The following IQSEC1 variants were observed in gnomAD, a reference collection of about 807,000 sequenced individuals.
The protein encoded by IQSEC1 is IQ motif and Sec7 domain ArfGEF 1, also known as IQ motif and SEC7 domain-containing protein 1.
A neutral mutation model predicts 91.0 loss-of-function variants in IQSEC1; 31 were observed. The observed-to-expected ratio is 0.34, with a 90% confidence interval of 0.26 to 0.46. IQSEC1 has a LOEUF of 0.46. Ranked by LOEUF, IQSEC1 falls within the 20% of genes least tolerant of loss-of-function variation. The probability of loss-of-function intolerance (pLI) is 1.00; values close to 1 mark genes in which losing one functional copy is unlikely to be tolerated. For missense variants in IQSEC1, 1,388 were observed against 1,575.6 expected (o/e 0.88, Z 2.02); for synonymous variants, 699 against 662.6 (o/e 1.05, Z -0.84).
chr3:13,004,096 T>C (rs193201989), intron 1 of IQSEC1, among the ~76,000 whole-genome samples: 1 of 152,308 alleles, frequency 6.6e-6, no homozygotes, highest in Admixed American at 6.5e-5. Flanking sequence ...TTTAAAAAAT[T>C]ATTGTTGGGA....
chr3:13,037,808 G>A (rs1163907189), intron 1 of IQSEC1, among the ~76,000 whole-genome samples: 1 of 152,114 alleles, frequency 6.6e-6, no homozygotes, highest in Non-Finnish European at 1.5e-5. Context: ...GGTCCCCAGA[G>A]CAGTGAAATT....
At chr3:13,151,674 A>C (rs1707001991) in intron 2 of IQSEC1, among the ~76,000 whole-genome samples, 1 of 152,238 alleles carries the variant, frequency 6.6e-6, no homozygotes, top group Non-Finnish European at 1.5e-5. Context: ...CACTAGAAAG[A>C]GTTCTCTTCA....
Position 13,162,943 on chromosome 3 carries a change from C to A in IQSEC1, c.302+1161G>T, listed in dbSNP as rs555074311. Among the ~76,000 whole-genome samples the A allele has an allele frequency of 2.2e-4, 33 of 152,084 alleles. No individual in the cohort carries two copies. The East Asian group carries it at 6.2e-3, about 29-fold the overall frequency. Reference sequence around the variant, plus strand: ...GCTCCCACTCTTGCCAGCCCAAGTGCACCATCCCCAGCTAGTCCCCTCACC... The same window carrying A: ...GCTCCCACTCTTGCCAGCCCAAGTGAACCATCCCCAGCTAGTCCCCTCACC... On this transcript the variant is annotated intron_variant, in intron 2 of 15. Coordinates refer to the IQSEC1 transcript ENST00000648114.
Position 12,899,701 on chromosome 3 carries a change from A to G in IQSEC1, c.*1282T>C. On this transcript the variant is annotated 3_prime_UTR_variant, in exon 14 of 14. Coordinates refer to ENST00000613206, the MANE Select transcript of IQSEC1 (RefSeq NM_001134382.3). Reference sequence around the variant, plus strand: ...ATTACGGTGATCACTGCTACCACTCAGAAAACAAAACGGGAAACACACACA... The same window carrying G: ...ATTACGGTGATCACTGCTACCACTCGGAAAACAAAACGGGAAACACACACA... 2 of 985,432 alleles carry G rather than the reference A, an allele frequency of 2.0e-6. No individual in the cohort carries two copies. The highest frequency in any genetic ancestry group is 2.4e-6 in the Non-Finnish European group (2 of 829,912). The allele number at this position is 985,432 out of a possible 1,614,324, so 61.0% of individuals were successfully genotyped here. A position where few individuals can be genotyped will look rare whatever the true frequency, so the allele number is the denominator to read the frequency against.
rs902887326 is a variant in IQSEC1, at chr3:12,901,391, C to T, written c.2937G>A (p.Lys979=). ...LGSLFGSKRG[K]PPPQAHLPSA... ...AGGGCAGGTGGGCCTGGGGAGGGGG[C>T]TTCCCTCTCTTGCTCCCGAATAAGG... The change falls in exon 14 of 14, where the codon AAG becomes AAA. Residue 979 remains lysine (K), a synonymous_variant. Coordinates refer to ENST00000613206, the MANE Select transcript of IQSEC1 (RefSeq NM_001134382.3). The T allele has an allele frequency of 7.8e-6, 12 of 1,542,720 alleles. No individual in the cohort carries two copies. Among genetic ancestry groups the T allele is most frequent in the Non-Finnish European group, 8.7e-6 (10 of 1,145,064 alleles).
At chr3:13,086,975 A>C (rs536556632) in intron 2 of IQSEC1, among the ~76,000 whole-genome samples, 8 of 152,336 alleles carry the variant, frequency 5.3e-5, no homozygotes, top group African/African-American at 1.7e-4. Flanking sequence ...GGCACACAGC[A>C]GGTGCTAATA....
Position 13,073,157 on chromosome 3 carries a change from C to T in IQSEC1, c.-143G>A. On this transcript the variant is annotated 5_prime_UTR_variant, in exon 1 of 14. Transcript: ENST00000613206. ...GGGCGAGTCACATTCCCGGGGGTGG[C>T]GGGCTCCTCCAGGGAGGCTGGGGCG... 1 of 534,284 alleles carries T rather than the reference C, an allele frequency of 1.9e-6. No individual in the cohort carries two copies. The highest frequency in any genetic ancestry group is 3.2e-6 in the Non-Finnish European group (1 of 307,850). 33.1% of individuals were successfully genotyped at this position (534,284 alleles called of 1,614,324 possible). A position where few individuals can be genotyped will look rare whatever the true frequency, so the allele number is the denominator to read the frequency against.
rs116621866 is a variant in IQSEC1, at chr3:13,092,111, G to A, written c.303-44589C>T. 3.1e-3 allele frequency among the ~76,000 whole-genome samples: 467 copies of A among 152,216 alleles called. 4 individuals carry two copies. Among genetic ancestry groups the A allele is most frequent in the African/African-American group, 0.01 (435 of 41,526 alleles). On this transcript the variant is annotated intron_variant, in intron 2 of 15. Transcript: ENST00000648114. ...CGCGGGGTCAATTGCCCTGCACTGTGCAGGGTCAGAACTGACTGCATCAAA... is the reference window on the plus strand; with the variant it reads ...CGCGGGGTCAATTGCCCTGCACTGTACAGGGTCAGAACTGACTGCATCAAA...
At chr3:13,161,894 C>T (rs187483441) in intron 2 of IQSEC1, among the ~76,000 whole-genome samples, 187 of 152,310 alleles carry the variant, frequency 1.2e-3, no homozygotes, top group Middle Eastern at 3.4e-3. Context: ...CCCCCTGCAA[C>T]GCAGAGGCCA....
intron 1 of IQSEC1, among the ~76,000 whole-genome samples, chr3:12,981,055 C>A (rs984853012): frequency 2.6e-5 from 4 of 152,210 alleles, no homozygotes; most frequent in African/African-American, 4.8e-5. Flanking sequence ...GAGATCAATG[C>A]AGGATGGAAG....
intron 1 of IQSEC1, among the ~76,000 whole-genome samples, chr3:13,013,131 T>C (rs964122173): frequency 6.6e-6 from 1 of 152,110 alleles, no homozygotes; most frequent in Non-Finnish European, 1.5e-5. Context: ...CGGCTAATTT[T>C]TGTATTTTTA....
intron 1 of IQSEC1, among the ~76,000 whole-genome samples, chr3:13,270,740 G>C (rs1455128085): frequency 1.3e-5 from 2 of 152,114 alleles, no homozygotes; most frequent in African/African-American, 4.8e-5. Context: ...GAAGAAAATA[G>C]ATATAAGATG....
chr3:12,900,423 C>G lies in IQSEC1; in HGVS notation c.*560G>C. 4.1e-6 allele frequency: 4 copies of G among 976,792 alleles called. No homozygotes were observed. Among genetic ancestry groups the G allele is most frequent in the Non-Finnish European group, 2.4e-6 (2 of 823,654 alleles). The allele number at this position is 976,792 out of a possible 1,614,324, so 60.5% of individuals were successfully genotyped here. ...TTGCTAATGTGGACTGAAACGCCTGCCTTTCACACACAAGTACTACCTATA... is the reference window on the plus strand; with the variant it reads ...TTGCTAATGTGGACTGAAACGCCTGGCTTTCACACACAAGTACTACCTATA... On this transcript the variant is annotated 3_prime_UTR_variant, in exon 14 of 14. Transcript: ENST00000613206.
chr3:12,948,040 C>T (rs963720680), intron 1 of IQSEC1, among the ~76,000 whole-genome samples: 3 of 152,246 alleles, frequency 2.0e-5, no homozygotes, highest in Non-Finnish European at 4.4e-5. Flanking sequence ...AAGCAGGCTC[C>T]TGGGTGGAAT....
At chr3:12,996,064 G>A (rs995666356) in intron 1 of IQSEC1, among the ~76,000 whole-genome samples, 24 of 152,292 alleles carry the variant, frequency 1.6e-4, no homozygotes, top group African/African-American at 5.5e-4. Flanking sequence ...GGGAGGCTGA[G>A]GCAAGAGGAT....
chr3:13,200,020 T>C (rs1033790903), intron 1 of IQSEC1, among the ~76,000 whole-genome samples: 1 of 139,372 alleles, frequency 7.2e-6, no homozygotes, highest in African/African-American at 2.8e-5. Context: ...ACACGCCACA[T>C]GTACATCACA....
rs145732759 is a variant in IQSEC1, at chr3:13,115,617, G to T, written c.302+48487C>A. On this transcript the variant is annotated intron_variant, in intron 2 of 15. Coordinates refer to the IQSEC1 transcript ENST00000648114. ...GTCTCACTGCAGAGTCACTCGAGAG[G>T]GGCACACACTGGCACCTGGGCTCAG... Among the ~76,000 whole-genome samples, 602 of 152,304 alleles carry T rather than the reference G, an allele frequency of 4.0e-3. 1 individual carries two copies. The highest frequency in any genetic ancestry group is 0.017 in the South Asian group (82 of 4,830).
At chr3:13,076,857 C>G (rs114607985), upstream of IQSEC1, among the ~76,000 whole-genome samples, 523 of 152,270 alleles carry the variant, frequency 3.4e-3, 5 homozygotes, top group African/African-American at 0.012. Context: ...TCCCACCCTC[C>G]TAAATCTTAT....
At chr3:12,914,728 T>C (rs940348512) in intron 8 of IQSEC1, among the ~76,000 whole-genome samples, 2 of 151,736 alleles carry the variant, frequency 1.3e-5, no homozygotes, top group African/African-American at 4.8e-5. Context: ...GGACGGGTCC[T>C]GGGGGTGAGG....
Sources: gnomAD v4.1 joint callset for allele counts (sites outside exome capture counted in the v4.1 genomes callset) on GRCh38, gnomAD v4.1.1 for gene constraint, MANE v1.5 for transcripts, NCBI Gene and HGNC (gene_info 2026-07-23, HGNC 2026-07-21) for gene names.